KLHL13: variants seen among roughly 807,000 people sequenced by gnomAD.
The protein encoded by KLHL13 is kelch-like protein 13.
KLHL13 carries 10 observed loss-of-function variants against 37.1 expected under a neutral mutation model. The observed-to-expected ratio is 0.27, with a 90% confidence interval of 0.17 to 0.46. The LOEUF (loss-of-function observed/expected upper bound fraction) is 0.46, where lower values mean the gene tolerates loss of function less well. Ranked by LOEUF, KLHL13 falls within the 20% of genes least tolerant of loss-of-function variation. KLHL13 has a pLI of 1.00. For synonymous variants in KLHL13, 163 were observed against 181.2 expected (o/e 0.90, Z 0.81); for missense variants, 360 against 509.3 (o/e 0.71, Z 2.82).
intron 1 of KLHL13, among the ~76,000 whole-genome samples, chrX:118,105,240 G>T (rs1440804130): frequency 2.7e-5 from 3 of 112,310 alleles, no homozygotes; most frequent in Admixed American, 9.4e-5. Context: ...TATTTCTCTA[G>T]AATCTGTTTT....
intron 1 of KLHL13, among the ~76,000 whole-genome samples, chrX:118,042,179 C>T (rs1012751186): frequency 4.5e-5 from 5 of 111,097 alleles, no homozygotes; most frequent in African/African-American, 6.5e-5. Flanking sequence ...TATATGCACC[C>T]GACACTGGAG....
intron 1 of KLHL13, among the ~76,000 whole-genome samples, chrX:118,081,046 T>C: frequency 9.0e-6 from 1 of 111,324 alleles, no homozygotes; most frequent in Non-Finnish European, 1.9e-5. Flanking sequence ...TACTTAGAAG[T>C]GGGAGCTAAA....
intron 2 of KLHL13, among the ~76,000 whole-genome samples, chrX:117,928,233 T>G (rs1429618499): frequency 9.0e-6 from 1 of 111,473 alleles, no homozygotes; most frequent in Non-Finnish European, 1.9e-5. Flanking sequence ...ATAAACAAAT[T>G]TACAATTATA....
At chrX:118,083,079 T>C (rs1321779297) in intron 1 of KLHL13, among the ~76,000 whole-genome samples, 1 of 112,054 alleles carries the variant, frequency 8.9e-6, no homozygotes, top group Admixed American at 9.5e-5. Context: ...TCCATACAAA[T>C]TGTAAGATTG....
intron 1 of KLHL13, among the ~76,000 whole-genome samples, chrX:118,077,899 A>G (rs1205837115): frequency 1.8e-5 from 2 of 111,980 alleles, no homozygotes; most frequent in Admixed American, 1.9e-4. Flanking sequence ...GATGGCATAT[A>G]TAAAAGTACC....
chrX:117,950,748 A>T (rs1933551287), intron 1 of KLHL13, among the ~76,000 whole-genome samples: 1 of 112,606 alleles, frequency 8.9e-6, no homozygotes, highest in Non-Finnish European at 1.9e-5. Flanking sequence ...CTCACAATTT[A>T]AAAAGAAAAT....
intron 1 of KLHL13, among the ~76,000 whole-genome samples, chrX:118,099,882 G>A (rs866583187): frequency 1.0e-5 from 1 of 96,120 alleles, no homozygotes; most frequent in Non-Finnish European, 2.0e-5. Context: ...AAAGAAGAAA[G>A]GAAGGAAGGA....
intron 1 of KLHL13, among the ~76,000 whole-genome samples, chrX:117,953,569 TAA>T (rs1387337794): frequency 9.1e-6 from 1 of 109,833 alleles, no homozygotes; most frequent in Non-Finnish European, 1.9e-5. Context: ...TAAAATAAAA[TAA>T]AAAAATAAAA....
At chrX:117,994,231 C>T (rs2053828522) in intron 1 of KLHL13, among the ~76,000 whole-genome samples, 1 of 109,643 alleles carries the variant, frequency 9.1e-6, no homozygotes, top group Non-Finnish European at 1.9e-5. Context: ...CCCTCCCCCT[C>T]TTCCTTCTTT....
chrX:117,980,309 A>G (rs1232889589), intron 1 of KLHL13, among the ~76,000 whole-genome samples: 1 of 112,005 alleles, frequency 8.9e-6, no homozygotes, highest in Non-Finnish European at 1.9e-5. Context: ...CATTTGCCAT[A>G]TTCTATATTA....
At chrX:118,044,797 T>C (rs989561236) in intron 1 of KLHL13, among the ~76,000 whole-genome samples, 2 of 111,719 alleles carry the variant, frequency 1.8e-5, no homozygotes, top group African/African-American at 3.3e-5. Flanking sequence ...AAAGAAAACA[T>C]TGGGGAAAGA....
At chrX:117,940,133 G>A (rs1932943695) in intron 2 of KLHL13, among the ~76,000 whole-genome samples, 1 of 111,835 alleles carries the variant, frequency 8.9e-6, no homozygotes, top group Non-Finnish European at 1.9e-5. Flanking sequence ...GTGTAAGGAA[G>A]GGGTCCAGTT....
chrX:117,922,632 T>C (rs1205679953), intron 2 of KLHL13, among the ~76,000 whole-genome samples: 1 of 111,359 alleles, frequency 9.0e-6, no homozygotes, highest in Non-Finnish European at 1.9e-5. Context: ...TTGTGTTCGT[T>C]TGTGGTAGTT....
intron 1 of KLHL13, among the ~76,000 whole-genome samples, chrX:118,078,869 G>T (rs2054957563): frequency 9.0e-6 from 1 of 111,473 alleles, no homozygotes; most frequent in South Asian, 3.7e-4. Context: ...GTACCATTTT[G>T]TACTTCCATC....
intron 1 of KLHL13, among the ~76,000 whole-genome samples, chrX:117,987,522 T>C (rs890623991): frequency 8.9e-6 from 1 of 112,025 alleles, no homozygotes; most frequent in Non-Finnish European, 1.9e-5. Flanking sequence ...CATTCCATTA[T>C]GCTCAGTGTC....
At chrX:117,960,097 G>A (rs1432186521) in intron 1 of KLHL13, among the ~76,000 whole-genome samples, 1 of 110,814 alleles carries the variant, frequency 9.0e-6, no homozygotes, top group Non-Finnish European at 1.9e-5. Context: ...CCATCAGAAG[G>A]CCAAGTGTGG....
intron 1 of KLHL13, among the ~76,000 whole-genome samples, chrX:118,035,779 A>G (rs1374592325): frequency 1.9e-5 from 2 of 107,009 alleles, no homozygotes; most frequent in African/African-American, 3.7e-5. Flanking sequence ...ATGGTATTCA[A>G]TTAGGAAAAG....
At chrX:118,085,876 G>T (rs1376752286) in intron 1 of KLHL13, among the ~76,000 whole-genome samples, 1 of 105,440 alleles carries the variant, frequency 9.5e-6, no homozygotes, top group African/African-American at 3.5e-5. Flanking sequence ...TCAGCTGATG[G>T]TCACTTAGTT....
chrX:118,062,116 C>T (rs1296173376), intron 1 of KLHL13, among the ~76,000 whole-genome samples: 2 of 110,969 alleles, frequency 1.8e-5, no homozygotes, highest in South Asian at 3.8e-4. Flanking sequence ...GAATCTAAAC[C>T]ATGTCTTAAA....
Sources: gnomAD v4.1 joint callset for allele counts (sites outside exome capture counted in the v4.1 genomes callset) on GRCh38, gnomAD v4.1.1 for gene constraint, MANE v1.5 for transcripts, NCBI Gene and HGNC (gene_info 2026-07-23, HGNC 2026-07-21) for gene names.